Variants in SLC26A8 observed in about 807,000 individuals in gnomAD.
The protein encoded by SLC26A8 is solute carrier family 26 member 8, also known as testis anion transporter 1.
In SLC26A8, 70 loss-of-function variants were observed where a neutral mutation model predicts 105.0. The observed-to-expected ratio is 0.67, with a 90% CI of 0.55 to 0.81. The LOEUF (loss-of-function observed/expected upper bound fraction) is 0.81. Among genes scored for constraint, SLC26A8 ranks in the 40% least tolerant of loss-of-function variants. SLC26A8 has a pLI of 0.00. For synonymous variants in SLC26A8, 415 were observed against 438.3 expected, an observed-to-expected ratio of 0.95 and a Z score of 0.66; for missense variants, 998 against 1,181.8, an observed-to-expected ratio of 0.84 and a Z score of 2.28.
intron 1 of SLC26A8, among the ~76,000 whole-genome samples, chr6:36,021,869 C>T (rs1336026223): frequency 1.3e-5 from 2 of 152,088 alleles, no homozygotes; most frequent in African/African-American, 2.4e-5. Context: ...CAGGGTTTCA[C>T]GGTGTTAGCC....
Position 35,946,135 on chromosome 6 carries a change from A to G in SLC26A8, c.2473-1795T>C, listed in dbSNP as rs533366369. Reference sequence around the variant, plus strand: ...TACCATCTATATGCTGATGCTGATGATTCTTTGGTTATAACCCTTCCCCTG... The same window carrying G: ...TACCATCTATATGCTGATGCTGATGGTTCTTTGGTTATAACCCTTCCCCTG... On this transcript the variant is annotated intron_variant, in intron 19 of 19. Coordinates refer to ENST00000490799, the MANE Select transcript of SLC26A8 (RefSeq NM_052961.4). Among the ~76,000 whole-genome samples the G allele has an allele frequency of 2.0e-5, 3 of 152,266 alleles. No individual in the cohort carries two copies. In the South Asian group the frequency reaches 6.2e-4, roughly 32 times the overall value.
At chr6:36,015,301 C>CG (rs1279783756) in intron 2 of SLC26A8, among the ~76,000 whole-genome samples, 1 of 151,942 alleles carries the variant, frequency 6.6e-6, no homozygotes, top group East Asian at 1.9e-4. Flanking sequence ...TTAGTAGAGA[C>CG]GGGGTTTCAC....
chr6:36,011,846 C>T (rs1761865967), intron 3 of SLC26A8, among the ~76,000 whole-genome samples: 1 of 152,178 alleles, frequency 6.6e-6, no homozygotes, highest in African/African-American at 2.4e-5. Flanking sequence ...TGAGCTCAAG[C>T]AATCTGTCTG....
At chr6:35,952,076 A>T (rs762908488) in intron 17 of SLC26A8, among the ~76,000 whole-genome samples, 1 of 152,218 alleles carries the variant, frequency 6.6e-6, no homozygotes, top group Non-Finnish European at 1.5e-5. Flanking sequence ...CATAGTCTCA[A>T]GGGGATAAAC....
Position 35,988,436 on chromosome 6 carries a change from C to T in SLC26A8, c.942+3223G>A, listed in dbSNP as rs554240704. Among the ~76,000 whole-genome samples the T allele has an allele frequency of 1.1e-3, 161 of 152,158 alleles. 1 individual carries two copies. The highest frequency in any genetic ancestry group is 4.9e-4 in the Non-Finnish European group (33 of 67,996). ...CTCACTTGAGGTCAGGAGTTTGAGG[C>T]CAGCCTGGCCAACATGGCGAAACCC... On this transcript the variant is annotated intron_variant, in intron 7 of 19. Coordinates refer to ENST00000490799, the MANE Select transcript of SLC26A8 (RefSeq NM_052961.4).
At chr6:35,973,539 A>G (rs2127318679) in intron 10 of SLC26A8, among the ~76,000 whole-genome samples, 1 of 152,218 alleles carries the variant, frequency 6.6e-6, no homozygotes, top group Non-Finnish European at 1.5e-5. Flanking sequence ...AACATTATAA[A>G]ATATTTTAGC....
intron 2 of SLC26A8, among the ~76,000 whole-genome samples, chr6:36,014,012 C>A (rs770534469): frequency 8.5e-5 from 13 of 152,174 alleles, no homozygotes; most frequent in Non-Finnish European, 1.6e-4. Context: ...TCCAAATTTC[C>A]TATTGGCAGC....
At chr6:35,998,426 A>C (rs954960428) in intron 4 of SLC26A8, among the ~76,000 whole-genome samples, 4 of 151,982 alleles carry the variant, frequency 2.6e-5, no homozygotes, top group African/African-American at 9.7e-5. Context: ...ATGGTGGTGC[A>C]TGCCTGTAAT....
At chr6:36,000,435 C>G (rs1208373276) in intron 3 of SLC26A8, among the ~76,000 whole-genome samples, 1 of 152,144 alleles carries the variant, frequency 6.6e-6, no homozygotes, top group Non-Finnish European at 1.5e-5. Flanking sequence ...AAAGCAGCCC[C>G]ATCCTTATGC....
At chr6:35,977,115 A>G in intron 9 of SLC26A8, 89 bp downstream of exon 9, 1 of 1,414,778 alleles carries the variant, frequency 7.1e-7, no homozygotes, top group Non-Finnish European at 9.6e-7. Context: ...GTGGCTCTTC[A>G]GTTAAAAAAG....
At chr6:35,984,316 C>A (rs1049149541) in intron 7 of SLC26A8, among the ~76,000 whole-genome samples, 3 of 95,986 alleles carry the variant, frequency 3.1e-5, no homozygotes, top group Non-Finnish European at 2.0e-5. Flanking sequence ...TCTTCTTCTT[C>A]TTATTTTTTT....
At chr6:35,974,851 G>A (rs1232025035) in intron 10 of SLC26A8, among the ~76,000 whole-genome samples, 2 of 151,470 alleles carry the variant, frequency 1.3e-5, no homozygotes, top group Admixed American at 6.6e-5. Context: ...ATTCTCCTGC[G>A]TCAGCCTCCT....
chr6:35,989,889 G>A (rs1478039799), intron 7 of SLC26A8: 1 of 66,044 alleles, frequency 1.5e-5, no homozygotes, highest in Non-Finnish European at 3.4e-5. Context: ...CTTGAGTTTT[G>A]TTCTGTTTTT....
intron 16 of SLC26A8, among the ~76,000 whole-genome samples, chr6:35,958,854 G>T (rs956744440): frequency 6.6e-6 from 1 of 152,162 alleles, no homozygotes; most frequent in East Asian, 1.9e-4. Flanking sequence ...TGGGGGAAGG[G>T]ACTACTTAGA....
At position 35,951,349 on chromosome 6, in the gene SLC26A8, T is replaced by C. The variant is rs1188519749; in HGVS notation, c.2288-2A>G. On this transcript the variant is annotated splice_acceptor_variant, in intron 18 of 19. Transcript: ENST00000490799. LOFTEE classifies it high-confidence loss of function. ...TCTCAAATGCCCTGACTATGGAAGC[T>C]AAAAACCAAACCCAGAACACACACA... 1.2e-6 allele frequency: 2 copies of C among 1,614,032 alleles called. No homozygotes were observed. The highest frequency in any genetic ancestry group is 2.2e-5 in the South Asian group (2 of 91,084).
chr6:35,982,505 TC>T (rs1773316074), intron 7 of SLC26A8, among the ~76,000 whole-genome samples: 1 of 152,214 alleles, frequency 6.6e-6, no homozygotes, highest in African/African-American at 2.4e-5. Context: ...ATTTATTTTT[TC>T]TTGTTTTAAT....
intron 19 of SLC26A8, among the ~76,000 whole-genome samples, chr6:35,945,925 CAT>C (rs1391808964): frequency 7.9e-5 from 12 of 152,124 alleles, no homozygotes; most frequent in Non-Finnish European, 1.5e-4. Flanking sequence ...TCTCGACCAC[CAT>C]ATGACACTCT....
intron 11 of SLC26A8, among the ~76,000 whole-genome samples, chr6:35,964,885 T>C (rs533118745): frequency 5.9e-5 from 9 of 151,378 alleles, no homozygotes; most frequent in Admixed American, 3.3e-4. Flanking sequence ...GAGAACTCCT[T>C]GAACCTGGGA....
chr6:35,953,196 G>A (rs781379841), intron 17 of SLC26A8, among the ~76,000 whole-genome samples: 6 of 152,086 alleles, frequency 3.9e-5, no homozygotes, highest in Non-Finnish European at 8.8e-5. Flanking sequence ...GGCTGAAAGT[G>A]AAAGGCGTCT....
Sources: allele counts gnomAD v4.1 joint callset (sites outside exome capture counted in the v4.1 genomes callset), GRCh38; gene constraint gnomAD v4.1.1; transcripts MANE v1.5; gene names NCBI Gene and HGNC (gene_info 2026-07-23, HGNC 2026-07-21).